The following RYR2 variants were observed in gnomAD, a reference collection of about 807,000 sequenced individuals.
The protein encoded by RYR2 is cardiac muscle ryanodine receptor-calcium release channel.
Under a neutral mutation model 601.1 loss-of-function variants are expected in RYR2, and 227 were observed. That is an observed-to-expected ratio of 0.38 (90% CI 0.34 to 0.42). The LOEUF (loss-of-function observed/expected upper bound fraction) is 0.42. Among genes scored for constraint, RYR2 ranks in the 10% least tolerant of loss-of-function variants. RYR2 has a pLI of 1.00. For synonymous variants in RYR2, 2,223 were observed against 2,175.1 expected, an observed-to-expected ratio of 1.02 and a Z score of -0.61; for missense variants, 4,646 against 6,156.5, an observed-to-expected ratio of 0.75 and a Z score of 8.21.
intron 12 of RYR2, among the ~76,000 whole-genome samples, chr1:237,430,020 A>C (rs75184339): frequency 6.6e-6 from 1 of 151,436 alleles, no homozygotes; most frequent in Non-Finnish European, 1.5e-5. Context: ...TTTTATTGGA[A>C]GTATTTTTCA....
chr1:237,200,141 G>T (rs1403064314), intron 1 of RYR2, among the ~76,000 whole-genome samples: 3 of 152,166 alleles, frequency 2.0e-5, no homozygotes, highest in African/African-American at 7.2e-5. Context: ...AATATGTGGA[G>T]GAGCTAGGAT....
intron 3 of RYR2, among the ~76,000 whole-genome samples, chr1:237,352,104 TAGTA>T (rs1308789610): frequency 6.6e-6 from 1 of 152,032 alleles, no homozygotes; most frequent in Non-Finnish European, 1.5e-5. Context: ...ATTGTAATAT[TAGTA>T]AGTCGGCATG....
intron 1 of RYR2, among the ~76,000 whole-genome samples, chr1:237,066,577 G>C (rs1663643358): frequency 1.6e-5 from 1 of 61,890 alleles, no homozygotes; most frequent in Non-Finnish European, 3.9e-5. Context: ...GTATTAATTT[G>C]CTTTTCCCTA....
intron 1 of RYR2, among the ~76,000 whole-genome samples, chr1:237,137,892 A>C (rs1472555303): frequency 6.6e-6 from 1 of 152,244 alleles, no homozygotes; most frequent in African/African-American, 2.4e-5. Context: ...CCTGAAATAG[A>C]ACTTTATGAG....
intron 1 of RYR2, among the ~76,000 whole-genome samples, chr1:237,049,120 A>G (rs1053680091): frequency 2.6e-5 from 4 of 152,054 alleles, no homozygotes; most frequent in African/African-American, 9.7e-5. Flanking sequence ...GTGGGAGGGG[A>G]CACCCGGAGA....
intron 79 of RYR2, among the ~76,000 whole-genome samples, chr1:237,736,461 C>CA (rs56178537): frequency 0.5 from 64,112 of 129,410 alleles, 16,646 homozygotes; most frequent in Non-Finnish European, 0.6. Flanking sequence ...GAGTCCGTTT[C>CA]AAAAAAAAAA....
chr1:237,513,944 T>A (rs1666165691), intron 24 of RYR2, among the ~76,000 whole-genome samples: 1 of 152,086 alleles, frequency 6.6e-6, no homozygotes, highest in Admixed American at 6.6e-5. Context: ...GAGCTTAGGG[T>A]CTACTAGGAA....
intron 1 of RYR2, among the ~76,000 whole-genome samples, chr1:237,216,209 T>A (rs2149115789): frequency 6.6e-6 from 1 of 152,332 alleles, no homozygotes; most frequent in Non-Finnish European, 1.5e-5. Flanking sequence ...GGTTCATAGA[T>A]GAAAGTTTAG....
chr1:237,207,914 C>T (rs947126093), intron 1 of RYR2, among the ~76,000 whole-genome samples: 3 of 152,144 alleles, frequency 2.0e-5, no homozygotes, highest in Non-Finnish European at 4.4e-5. Flanking sequence ...TTAATCTTTT[C>T]TTGTTTTTCA....
chr1:237,781,723 G>A (rs1695126773), intron 89 of RYR2, 77 bp downstream of exon 89: 5 of 694,910 alleles, frequency 7.2e-6, no homozygotes, highest in Admixed American at 2.8e-5. Context: ...GAATCAGAGT[G>A]TAGCATAGAA....
chr1:237,065,446 AT>A (rs199678521), intron 1 of RYR2, among the ~76,000 whole-genome samples: 841 of 73,046 alleles, frequency 0.012, 3 homozygotes, highest in African/African-American at 0.031. Context: ...CGCCTGGCTA[AT>A]TTTTTTTGGT....
Position 237,631,663 on chromosome 1 carries a change from C to CT in RYR2, c.6555+123dup. The CT allele has an allele frequency of 6.5e-6, 3 of 462,188 alleles. No individual in the cohort carries two copies. In the South Asian group the frequency reaches 8.7e-5, roughly 13 times the overall value. The allele number at this position is 462,188 out of a possible 1,614,324, so 28.6% of individuals were successfully genotyped here. A position where few individuals can be genotyped will look rare whatever the true frequency, so the allele number is the denominator to read the frequency against. On this transcript the variant is annotated intron_variant, in intron 42 of 104. Transcript: ENST00000366574. The stretch of plus-strand genomic sequence containing the variant: ...TTTTTTTTGGAGACAGAGGCTCACT[C>CT]TGTCGCCCAGGCTGGAGTGCAGTGC...
At chr1:237,372,755 GTC>G (rs1700738364) in intron 6 of RYR2, among the ~76,000 whole-genome samples, 2 of 152,178 alleles carry the variant, frequency 1.3e-5, no homozygotes, top group Admixed American at 1.3e-4. Context: ...TTTGGATTCA[GTC>G]TGTTTGCCAC....
intron 96 of RYR2, among the ~76,000 whole-genome samples, chr1:237,795,981 T>C (rs1002795651): frequency 1.3e-5 from 2 of 149,062 alleles, no homozygotes; most frequent in Non-Finnish European, 3.0e-5. Context: ...TGTATATATG[T>C]ATATACATAT....
At chr1:237,269,033 T>C in intron 1 of RYR2, among the ~76,000 whole-genome samples, 1 of 124,976 alleles carries the variant, frequency 8.0e-6, no homozygotes, top group Non-Finnish European at 1.6e-5. Context: ...CCAATTTATA[T>C]AGCATATTCT....
intron 1 of RYR2, among the ~76,000 whole-genome samples, chr1:237,152,090 C>T (rs56853715): frequency 0.034 from 5,132 of 151,974 alleles, 204 homozygotes; most frequent in African/African-American, 0.097. Context: ...CACTTATGAG[C>T]GAGAACATGC....
At chr1:237,378,989 T>A (rs1162135298) in intron 8 of RYR2, among the ~76,000 whole-genome samples, 1 of 152,226 alleles carries the variant, frequency 6.6e-6, no homozygotes, top group Non-Finnish European at 1.5e-5. Flanking sequence ...ATAGTCACCA[T>A]GCGAATTTCT....
chr1:237,801,612 A>ATAAC (rs1310178980), intron 97 of RYR2, among the ~76,000 whole-genome samples: 1 of 151,918 alleles, frequency 6.6e-6, no homozygotes, highest in Non-Finnish European at 1.5e-5. Flanking sequence ...CTATTTTTAA[A>ATAAC]TAACATAAGA....
rs566152011 is a variant in RYR2, at chr1:237,331,805, C to T, written c.273+823C>T. Among the ~76,000 whole-genome samples the T allele has an allele frequency of 2.7e-3, 414 of 152,198 alleles. 2 individuals are homozygous for T. Among genetic ancestry groups the T allele is most frequent in the Non-Finnish European group, 4.2e-3 (288 of 67,996 alleles). ...CTGGGATTACAGGCGTGAGCCACCG[C>T]GCCCAGCCCTGAAATTGTTATGTGG... is the stretch of plus-strand genomic sequence containing the variant. On this transcript the variant is annotated intron_variant, in intron 3 of 104. Coordinates refer to ENST00000366574, the MANE Select transcript of RYR2 (RefSeq NM_001035.3).
Sources: allele counts gnomAD v4.1 joint callset (sites outside exome capture counted in the v4.1 genomes callset), GRCh38; gene constraint gnomAD v4.1.1; transcripts MANE v1.5; gene names NCBI Gene and HGNC (gene_info 2026-07-23, HGNC 2026-07-21).